Variants in SPHKAP observed in about 807,000 individuals in gnomAD.
SPHKAP encodes the protein SPHK1 interactor, AKAP domain containing.
A neutral mutation model predicts 137.5 loss-of-function variants in SPHKAP; 67 were observed. The ratio of observed to expected loss-of-function variants is 0.49; its 90% CI spans 0.40 to 0.60. The LOEUF (loss-of-function observed/expected upper bound fraction) is 0.60. Among genes scored for constraint, SPHKAP ranks in the 20% least tolerant of loss-of-function variants. The pLI, the probability that SPHKAP is intolerant of heterozygous loss-of-function variation, is 0.00. For synonymous variants in SPHKAP, 813 were observed against 785.3 expected (o/e 1.04, Z -0.59); for missense variants, 2,097 against 2,069.3 (o/e 1.01, Z -0.26).
At chr2:228,043,351 G>T (rs1695920856) in intron 3 of SPHKAP, among the ~76,000 whole-genome samples, 1 of 152,158 alleles carries the variant, frequency 6.6e-6, no homozygotes, top group Non-Finnish European at 1.5e-5. Context: ...TTTTGAGATG[G>T]AGTCTCGCTT....
At position 228,069,584 on chromosome 2, in the gene SPHKAP, C is replaced by G. The variant is rs191806243; in HGVS notation, c.246+39248G>C. Among the ~76,000 whole-genome samples, 7 of 151,684 alleles carry G rather than the reference C, an allele frequency of 4.6e-5. No individual in the cohort carries two copies. In the East Asian group the frequency reaches 1.4e-3, roughly 29 times the overall value. On this transcript the variant is annotated intron_variant, in intron 3 of 11. Transcript: ENST00000392056. ...TACAGGTGTGAGCCACTGTACTGGCCTCTTTATTTAAAAGAAGTTTTTTTT... is the reference window on the plus strand; with the variant it reads ...TACAGGTGTGAGCCACTGTACTGGCGTCTTTATTTAAAAGAAGTTTTTTTT...
intron 1 of SPHKAP, among the ~76,000 whole-genome samples, chr2:228,157,610 A>G (rs1446814658): frequency 6.6e-6 from 1 of 152,070 alleles, no homozygotes; most frequent in African/African-American, 2.4e-5. Context: ...CTTCTCTTTC[A>G]GAGGGATTCT....
At chr2:228,158,047 A>G (rs1426888674) in intron 1 of SPHKAP, among the ~76,000 whole-genome samples, 1 of 152,212 alleles carries the variant, frequency 6.6e-6, no homozygotes, top group Non-Finnish European at 1.5e-5. Flanking sequence ...ACACACTTGG[A>G]AAAGGTCAAG....
intron 1 of SPHKAP, among the ~76,000 whole-genome samples, chr2:228,159,442 C>A (rs542790613): frequency 4.5e-4 from 68 of 152,210 alleles, no homozygotes; most frequent in African/African-American, 1.5e-3. Context: ...CAACTGGAAA[C>A]AACGCACCCA....
chr2:228,062,708 A>T (rs1254056772), intron 3 of SPHKAP, among the ~76,000 whole-genome samples: 1 of 152,210 alleles, frequency 6.6e-6, no homozygotes, highest in Non-Finnish European at 1.5e-5. Flanking sequence ...GAATATGCAA[A>T]CTATGTCTGT....
chr2:228,104,259 A>C (rs992168828), intron 3 of SPHKAP, among the ~76,000 whole-genome samples: 88 of 128,616 alleles, frequency 6.8e-4, no homozygotes, highest in Non-Finnish European at 9.9e-4. Flanking sequence ...TATTATATAT[A>C]TCATTATATT....
At chr2:228,060,529 T>A (rs2106285939) in intron 3 of SPHKAP, among the ~76,000 whole-genome samples, 1 of 152,330 alleles carries the variant, frequency 6.6e-6, no homozygotes, top group East Asian at 1.9e-4. Context: ...ATGGTTACAG[T>A]GTTTTTAATT....
intron 2 of SPHKAP, among the ~76,000 whole-genome samples, chr2:228,124,251 T>G (rs1299429655): frequency 6.6e-6 from 1 of 152,184 alleles, no homozygotes; most frequent in Non-Finnish European, 1.5e-5. Flanking sequence ...CCCAAAGGAT[T>G]ATAAATCATG....
chr2:227,996,709 T>C (rs1279764246), intron 7 of SPHKAP, among the ~76,000 whole-genome samples: 1 of 152,200 alleles, frequency 6.6e-6, no homozygotes, highest in Non-Finnish European at 1.5e-5. Context: ...CTGGGCTTCT[T>C]ATTTCCATTG....
At chr2:228,036,170 TCAAA>T (rs1349811986) in intron 3 of SPHKAP, among the ~76,000 whole-genome samples, 1 of 149,484 alleles carries the variant, frequency 6.7e-6, no homozygotes, top group Non-Finnish European at 1.5e-5. Context: ...TACAATGAAC[TCAAA>T]CAAATTTACA....
rs1467908807 is a variant in SPHKAP at position 228,092,558 on chromosome 2, A to T, written c.246+16274T>A. On this transcript the variant is annotated intron_variant, in intron 3 of 11. Transcript: ENST00000392056. Reference sequence around the variant, plus strand: ...ATATATGTGCCATATATATGTGTATATGTGCCATATATATGTGTATATTAT... The same window carrying T: ...ATATATGTGCCATATATATGTGTATTTGTGCCATATATATGTGTATATTAT... Among the ~76,000 whole-genome samples the T allele has an allele frequency of 1.2e-4, 16 of 136,898 alleles. 1 individual carries two copies. Among genetic ancestry groups the T allele is most frequent in the African/African-American group, 4.0e-4 (15 of 37,370 alleles). 89.8% of individuals were successfully genotyped at this position (136,898 alleles called of 152,430 possible). A position where few individuals can be genotyped will look rare whatever the true frequency, so the allele number is the denominator to read the frequency against.
At chr2:228,115,941 C>A (rs1485394652) in intron 2 of SPHKAP, among the ~76,000 whole-genome samples, 1 of 151,988 alleles carries the variant, frequency 6.6e-6, no homozygotes, top group Non-Finnish European at 1.5e-5. Context: ...GGAATTAGTG[C>A]CCTTATAAAA....
At chr2:228,030,513 C>CAAAAAAAAAAAAAAAAAACAACAAA (rs1695251952) in intron 3 of SPHKAP, among the ~76,000 whole-genome samples, 1 of 48,772 alleles carries the variant, frequency 2.1e-5, no homozygotes, top group Non-Finnish European at 4.0e-5. Context: ...GATACCATCT[C>CAAAAAAAAAAAAAAAAAACAACAAA]AAAAAAAAAA....
chr2:228,088,911 T>C (rs1387761857), intron 3 of SPHKAP, among the ~76,000 whole-genome samples: 1 of 152,160 alleles, frequency 6.6e-6, no homozygotes, highest in Non-Finnish European at 1.5e-5. Context: ...TCTTTATAAA[T>C]TACCTAGTCT....
intron 5 of SPHKAP, chr2:228,022,204 T>C: frequency 1.0e-6 from 1 of 985,410 alleles, no homozygotes; most frequent in East Asian, 1.1e-4. Context: ...CTGTATCACA[T>C]ATTTTAATTT....
chr2:228,004,212 G>C (rs912425156), intron 7 of SPHKAP, among the ~76,000 whole-genome samples: 8 of 152,080 alleles, frequency 5.3e-5, no homozygotes, highest in Admixed American at 1.3e-4. Flanking sequence ...TGGTTGGTAG[G>C]CTATTAATTA....
chr2:228,053,452 A>G (rs1696330118), intron 3 of SPHKAP, among the ~76,000 whole-genome samples: 1 of 152,072 alleles, frequency 6.6e-6, no homozygotes. Flanking sequence ...TCTTTAATTT[A>G]TTGCCTGGGC....
intron 3 of SPHKAP, among the ~76,000 whole-genome samples, chr2:228,057,552 T>A (rs990710520): frequency 6.6e-6 from 1 of 152,028 alleles, no homozygotes; most frequent in African/African-American, 2.4e-5. Context: ...GAGGAAAGTT[T>A]GAGCACAGGT....
intron 3 of SPHKAP, among the ~76,000 whole-genome samples, chr2:228,089,731 C>A (rs1456837856): frequency 1.3e-5 from 2 of 152,188 alleles, no homozygotes; most frequent in African/African-American, 2.4e-5. Context: ...CCTCTCTGCA[C>A]CAGCCACATC....
Sources: gnomAD v4.1 joint callset for allele counts (sites outside exome capture counted in the v4.1 genomes callset) on GRCh38, gnomAD v4.1.1 for gene constraint, MANE v1.5 for transcripts, NCBI Gene and HGNC (gene_info 2026-07-23, HGNC 2026-07-21) for gene names.